ZNF728: variants seen among roughly 807,000 people sequenced by gnomAD.
The protein encoded by ZNF728 is zinc finger protein 728.
Under a neutral mutation model 12.5 loss-of-function variants are expected in ZNF728, and 12 were observed. The observed-to-expected ratio is 0.96, with a 90% CI of 0.61 to 1.55. ZNF728 has a LOEUF of 1.55. ZNF728 is among the 40% of genes most tolerant of loss of function. The probability of loss-of-function intolerance (pLI) is 0.00; values close to 1 mark genes in which losing one functional copy is unlikely to be tolerated. For synonymous variants in ZNF728, 205 were observed against 240.7 expected (o/e 0.85, Z 1.37); for missense variants, 692 against 719.2 (o/e 0.96, Z 0.43).
chr19:22,987,030 C>A (rs1052055499), intron 3 of ZNF728, among the ~76,000 whole-genome samples: 4 of 152,058 alleles, frequency 2.6e-5, no homozygotes, highest in African/African-American at 9.7e-5. Flanking sequence ...AACAAAAAAA[C>A]TCAGATTGTG....
intron 1 of ZNF728, among the ~76,000 whole-genome samples, chr19:22,989,856 T>A (rs1040985564): frequency 6.6e-6 from 1 of 152,194 alleles, no homozygotes; most frequent in Non-Finnish European, 1.5e-5. Flanking sequence ...TTCTTAATCC[T>A]GTACTGCATA....
intron 1 of ZNF728, among the ~76,000 whole-genome samples, chr19:22,998,874 C>T (rs1380210686): frequency 6.6e-6 from 1 of 152,232 alleles, no homozygotes; most frequent in Non-Finnish European, 1.5e-5. Flanking sequence ...ACCTAATACA[C>T]AGCCAGGAAA....
intron 3 of ZNF728, among the ~76,000 whole-genome samples, chr19:22,978,792 A>G (rs149087887): frequency 4.6e-5 from 7 of 152,204 alleles, no homozygotes; most frequent in African/African-American, 1.4e-4. Flanking sequence ...AAAAACTAAC[A>G]AACAGAAAGG....
At position 22,975,947 on chromosome 19, in the gene ZNF728, A is replaced by G. The variant is rs879083019; in HGVS notation, c.1390T>C (p.Ser464Pro). ...GCCTTATGTGTAGTAAGGCTTGAGG[A>G]CCAGCTGAAGACTTTGCCACATTCT... Reference protein sequence around the residue: ...CEECGKVFSWSSSLTTHKAIH... With the variant: ...CEECGKVFSWPSSLTTHKAIH... The change falls in exon 4 of 4, where the codon TCC becomes CCC. Residue 464 changes from serine to proline, a missense_variant. This residue lies in a region of ZNF728 where 244 missense variants were observed against 235.2 expected (regional missense o/e 1.04). Transcript: ENST00000594710. The G allele has an allele frequency of 1.6e-5, 26 of 1,604,478 alleles. No individual in the cohort carries two copies. Among genetic ancestry groups the G allele is most frequent in the African/African-American group, 2.7e-5 (2 of 74,012 alleles).
intron 1 of ZNF728, among the ~76,000 whole-genome samples, chr19:23,002,291 G>A (rs1201240060): frequency 1.3e-5 from 2 of 152,198 alleles, no homozygotes; most frequent in Non-Finnish European, 2.9e-5. Context: ...CTCCAGCCAG[G>A]GCGACAGAGT....
chr19:22,997,837 T>C (rs1401123123), intron 1 of ZNF728, among the ~76,000 whole-genome samples: 2 of 150,348 alleles, frequency 1.3e-5, no homozygotes, highest in African/African-American at 4.9e-5. Context: ...AAAAATATAC[T>C]GAAGTCTGCT....
chr19:22,993,344 T>G (rs1969011133), intron 1 of ZNF728, among the ~76,000 whole-genome samples: 1 of 152,250 alleles, frequency 6.6e-6, no homozygotes, highest in African/African-American at 2.4e-5. Context: ...CAGATCTTAT[T>G]TGCAGATTCT....
At chr19:22,997,576 C>A (rs549282542) in intron 1 of ZNF728, among the ~76,000 whole-genome samples, 1 of 152,066 alleles carries the variant, frequency 6.6e-6, no homozygotes, top group African/African-American at 2.4e-5. Context: ...AGTTTAACAA[C>A]CTGATATCAT....
intron 3 of ZNF728, among the ~76,000 whole-genome samples, chr19:22,983,395 T>C (rs1405841907): frequency 6.6e-6 from 1 of 152,188 alleles, no homozygotes; most frequent in Non-Finnish European, 1.5e-5. Context: ...GGAATGCTTT[T>C]ACACTGTTGG....
At chr19:22,997,807 G>C (rs1204094333) in intron 1 of ZNF728, among the ~76,000 whole-genome samples, 2 of 148,292 alleles carry the variant, frequency 1.3e-5, no homozygotes, top group East Asian at 3.9e-4. Flanking sequence ...GAGAAAAAGA[G>C]ACATTACCAC....
At chr19:22,977,483 A>C (rs1273585784) in intron 3 of ZNF728, among the ~76,000 whole-genome samples, 1 of 152,148 alleles carries the variant, frequency 6.6e-6, no homozygotes, top group Non-Finnish European at 1.5e-5. Flanking sequence ...TGGCACATAC[A>C]ATTTAATTTC....
chr19:22,993,192 G>T (rs1969009323), intron 1 of ZNF728, among the ~76,000 whole-genome samples: 1 of 152,158 alleles, frequency 6.6e-6, no homozygotes, highest in African/African-American at 2.4e-5. Context: ...ATGTGAAAAG[G>T]TCAAAAAGCC....
chr19:22,980,365 A>C (rs1968849688), intron 3 of ZNF728, among the ~76,000 whole-genome samples: 1 of 152,180 alleles, frequency 6.6e-6, no homozygotes, highest in African/African-American at 2.4e-5. Flanking sequence ...ATACAGGAGC[A>C]CCTAGAATCA....
intron 1 of ZNF728, among the ~76,000 whole-genome samples, chr19:22,991,138 T>G (rs1968983027): frequency 1.3e-5 from 2 of 152,236 alleles, no homozygotes; most frequent in South Asian, 4.1e-4. Context: ...AGTATTATAT[T>G]CTTTGCTGAC....
Position 22,988,343 on chromosome 19 carries a change from T to TACA in ZNF728, c.111_112insTGT (p.Tyr37_Arg38insCys). The stretch of plus-strand genomic sequence containing the variant: ...TTCTCACCCAGGAAGACCAGGTTTC[T>TACA]GTAGTTCTCTAACATCACATTCCTA... On this transcript the variant is annotated inframe_insertion, in exon 2 of 4. Coordinates refer to ENST00000594710, the MANE Select transcript of ZNF728 (RefSeq NM_001267716.2). 1 of 1,614,188 alleles carries TACA rather than the reference T, an allele frequency of 6.2e-7. No individual in the cohort carries two copies. The highest frequency in any genetic ancestry group is 8.5e-7 in the Non-Finnish European group (1 of 1,180,016).
intron 3 of ZNF728, among the ~76,000 whole-genome samples, chr19:22,979,536 G>C (rs945331831): frequency 6.6e-6 from 1 of 152,046 alleles, no homozygotes; most frequent in Non-Finnish European, 1.5e-5. Context: ...TACTACTCGA[G>C]AAGAGCAACC....
At chr19:22,993,606 C>CA (rs1017422008) in intron 1 of ZNF728, among the ~76,000 whole-genome samples, 45 of 147,986 alleles carry the variant, frequency 3.0e-4, no homozygotes, top group African/African-American at 1.0e-3. Context: ...TTTGCAAAGG[C>CA]AAAAAAAAAG....
At chr19:22,999,281 T>A (rs1969081997) in intron 1 of ZNF728, among the ~76,000 whole-genome samples, 1 of 152,034 alleles carries the variant, frequency 6.6e-6, no homozygotes, top group Non-Finnish European at 1.5e-5. Flanking sequence ...TATATATACA[T>A]CTAACTGGTT....
At position 22,975,877 on chromosome 19, in the gene ZNF728, T is replaced by A. The variant is rs780244585; in HGVS notation, c.1460A>T (p.Lys487Ile). 4.3e-6 allele frequency: 7 copies of A among 1,612,210 alleles called. No individual in the cohort carries two copies. Among genetic ancestry groups the A allele is most frequent in the Non-Finnish European group, 5.9e-6 (7 of 1,179,130 alleles). ...EKLYKCEECG[K>I]AFKWSSNLME... ...AAGGTTTGAGGACCACTTAAAGGCT[T>A]TGCCACATTCTTCACATTTGTAGAG... The change falls in exon 4 of 4, where the codon AAA becomes ATA. Residue 487 changes from lysine (K) to isoleucine (I), a missense_variant. This residue lies in a region of ZNF728 where 244 missense variants were observed against 235.2 expected (regional missense o/e 1.04). Coordinates refer to ENST00000594710, the MANE Select transcript of ZNF728 (RefSeq NM_001267716.2).
Sources: gnomAD v4.1 joint callset for allele counts (sites outside exome capture counted in the v4.1 genomes callset) on GRCh38, gnomAD v4.1.1 for gene constraint, gnomAD v4.1.1 regional missense constraint, MANE v1.5 for transcripts, NCBI Gene and HGNC (gene_info 2026-07-23, HGNC 2026-07-21) for gene names.